NCOA1: variants seen among roughly 807,000 people sequenced by gnomAD.
The protein encoded by NCOA1 is nuclear receptor coactivator 1, also known as Hin-2 protein.
Under a neutral mutation model 150.9 loss-of-function variants are expected in NCOA1, and 35 were observed. The ratio of observed to expected loss-of-function variants is 0.23; its 90% confidence interval spans 0.18 to 0.31. The LOEUF (loss-of-function observed/expected upper bound fraction) is 0.31. Ranked by LOEUF, NCOA1 falls within the 10% of genes least tolerant of loss-of-function variation. The pLI, the probability that NCOA1 is intolerant of heterozygous loss-of-function variation, is 1.00. For synonymous variants in NCOA1, 590 were observed against 630.0 expected (o/e 0.94, Z 0.95); for missense variants, 1,491 against 1,749.3 (o/e 0.85, Z 2.63).
intron 3 of NCOA1, among the ~76,000 whole-genome samples, chr2:24,640,140 G>C (rs1243426744): frequency 6.6e-6 from 1 of 151,616 alleles, no homozygotes; most frequent in Non-Finnish European, 1.5e-5. Context: ...TTCTGGATAT[G>C]TTAATGGTTT....
At chr2:24,549,960 C>T (rs963302989) in intron 1 of NCOA1, among the ~76,000 whole-genome samples, 8 of 152,158 alleles carry the variant, frequency 5.3e-5, no homozygotes, top group Non-Finnish European at 8.8e-5. Context: ...CGCCAGATAC[C>T]CTAAATCATC....
intron 1 of NCOA1, among the ~76,000 whole-genome samples, chr2:24,555,026 C>T (rs369000729): frequency 1.3e-4 from 19 of 151,774 alleles, no homozygotes; most frequent in South Asian, 4.2e-4. Flanking sequence ...CAGACACACA[C>T]GAGGAGTTTA....
chr2:24,671,616 A>G (rs890103534), intron 6 of NCOA1, among the ~76,000 whole-genome samples: 5 of 152,186 alleles, frequency 3.3e-5, no homozygotes, highest in Non-Finnish European at 7.3e-5. Context: ...GCTGGAGTGC[A>G]GTTGCGGGAT....
chr2:24,519,788 A>C (rs1267439112), intron 1 of NCOA1, among the ~76,000 whole-genome samples: 1 of 152,160 alleles, frequency 6.6e-6, no homozygotes, highest in Non-Finnish European at 1.5e-5. Flanking sequence ...GATGCCCCCA[A>C]AACAGAAAAT....
chr2:24,599,792 A>G (rs11896304), intron 3 of NCOA1, among the ~76,000 whole-genome samples: 36,294 of 145,966 alleles, frequency 0.25, 4,641 homozygotes, highest in East Asian at 0.31. Flanking sequence ...AATGGCATAC[A>G]TGACCTTGGC....
At chr2:24,726,370 T>G (rs891803584) in intron 14 of NCOA1, among the ~76,000 whole-genome samples, 1 of 152,182 alleles carries the variant, frequency 6.6e-6, no homozygotes, top group African/African-American at 2.4e-5. Context: ...AACTTTAATA[T>G]CAGATTTTCC....
At chr2:24,736,077 C>T (rs1663285003) in intron 17 of NCOA1, among the ~76,000 whole-genome samples, 1 of 151,808 alleles carries the variant, frequency 6.6e-6, no homozygotes, top group Non-Finnish European at 1.5e-5. Context: ...TAAAATTAGC[C>T]AGGCATGGTG....
intron 19 of NCOA1, among the ~76,000 whole-genome samples, chr2:24,747,723 T>A (rs1236531650): frequency 1.3e-5 from 2 of 151,998 alleles, no homozygotes; most frequent in Admixed American, 6.6e-5. Context: ...ACCAAAATAG[T>A]TTAAAATGGA....
rs13428733 is a variant in NCOA1 at position 24,585,143 on chromosome 2, A to T, written c.-175+583A>T. ...CATGCCTGCTTCACCACATTATCCC[A>T]TTGGGTGTTCCCCCACCCTAGTGTT... On this transcript the variant is annotated intron_variant, in intron 3 of 22. Transcript: ENST00000348332. Among the ~76,000 whole-genome samples, 1,406 of 152,258 alleles carry T rather than the reference A, an allele frequency of 9.2e-3. 29 individuals are homozygous for T. Among genetic ancestry groups the T allele is most frequent in the African/African-American group, 0.032 (1,337 of 41,538 alleles).
At chr2:24,754,995 G>T (rs1008773109) in intron 20 of NCOA1, among the ~76,000 whole-genome samples, 1 of 152,172 alleles carries the variant, frequency 6.6e-6, no homozygotes, top group Non-Finnish European at 1.5e-5. Flanking sequence ...TGCTCATTTG[G>T]TTCATGTGCA....
At chr2:24,585,785 G>A (rs1330199507) in intron 3 of NCOA1, among the ~76,000 whole-genome samples, 1 of 151,962 alleles carries the variant, frequency 6.6e-6, no homozygotes, top group Non-Finnish European at 1.5e-5. Flanking sequence ...CTCTATTAAT[G>A]TTCCTTTGAT....
intron 14 of NCOA1, among the ~76,000 whole-genome samples, chr2:24,719,028 CAAAA>C (rs59556004): frequency 2.9e-5 from 1 of 34,454 alleles, no homozygotes; most frequent in Non-Finnish European, 5.0e-5. Flanking sequence ...GACTCTGTCC[CAAAA>C]AAAAAAAAAA....
At position 24,581,866 on chromosome 2, in the gene NCOA1, C is replaced by T. The variant is rs143443379; in HGVS notation, c.-259-2610C>T. On this transcript the variant is annotated intron_variant, in intron 2 of 22. Coordinates refer to ENST00000348332, the MANE Select transcript of NCOA1 (RefSeq NM_003743.5). The stretch of plus-strand genomic sequence containing the variant: ...AATGAAGTACAAAATCATATGATCA[C>T]CCAAAAGATGTAGAAAAAATCATTT... Among the ~76,000 whole-genome samples the T allele has an allele frequency of 1.6e-4, 25 of 152,210 alleles. No individual in the cohort carries two copies. In the East Asian group the frequency reaches 4.6e-3, roughly 28 times the overall value.
chr2:24,569,260 T>C lies in NCOA1; in HGVS notation c.-260+4830T>C, dbSNP rs1223779926. On this transcript the variant is annotated intron_variant, in intron 2 of 22. Coordinates refer to ENST00000348332, the MANE Select transcript of NCOA1 (RefSeq NM_003743.5). ...AGTATTTTGCTTTTTCACAGTGATATGTTAGCTGTATAGGAGGAAAGGGCT... is the reference window on the plus strand; with the variant it reads ...AGTATTTTGCTTTTTCACAGTGATACGTTAGCTGTATAGGAGGAAAGGGCT... Among the ~76,000 whole-genome samples, 4 of 152,220 alleles carry C rather than the reference T, an allele frequency of 2.6e-5. No homozygotes were observed. In the South Asian group the frequency reaches 6.2e-4, roughly 24 times the overall value.
At chr2:24,643,753 A>G (rs2148462560) in intron 3 of NCOA1, among the ~76,000 whole-genome samples, 1 of 152,322 alleles carries the variant, frequency 6.6e-6, no homozygotes, top group African/African-American at 2.4e-5. Flanking sequence ...CCTAAGCAGC[A>G]TTCTCAAATA....
chr2:24,768,029 A>T, intron 22 of NCOA1, 192 bp from the exon 23 acceptor site: 3 of 1,591,002 alleles, frequency 1.9e-6, no homozygotes, highest in Non-Finnish European at 2.6e-6. Context: ...TTAAAGTGTG[A>T]ACTTTCCAGA....
Position 24,540,482 on chromosome 2 carries a change from G to A in NCOA1, c.-395-23813G>A, listed in dbSNP as rs1160118724. 3.3e-5 allele frequency among the ~76,000 whole-genome samples: 5 copies of A among 151,120 alleles called. No individual in the cohort carries two copies. The South Asian group carries it at 1.0e-3, about 32-fold the overall frequency. ...TGGCTTTTTTTTTTTTTTTGAGACG[G>A]AGTTTCGCTTTTGTCACCCAGGCTG... On this transcript the variant is annotated intron_variant, in intron 1 of 22. Transcript: ENST00000348332.
intron 7 of NCOA1, among the ~76,000 whole-genome samples, chr2:24,678,472 C>G (rs1336985989): frequency 1.3e-5 from 2 of 152,196 alleles, no homozygotes; most frequent in Non-Finnish European, 2.9e-5. Context: ...ACACTGCCTT[C>G]CACAATGGTT....
chr2:24,758,190 C>T (rs752908676), intron 21 of NCOA1, 34 bp downstream of exon 21: 1 of 1,561,448 alleles, frequency 6.4e-7, no homozygotes, highest in Non-Finnish European at 8.7e-7. Flanking sequence ...CATGCCACAC[C>T]ACATCACAGT....
Sources: gnomAD v4.1 joint callset for allele counts (sites outside exome capture counted in the v4.1 genomes callset) on GRCh38, gnomAD v4.1.1 for gene constraint, MANE v1.5 for transcripts, NCBI Gene and HGNC (gene_info 2026-07-23, HGNC 2026-07-21) for gene names.